The following CCNY variants were observed in gnomAD, a reference collection of about 807,000 sequenced individuals.
CCNY encodes cyclin Y, also known as cyclin-Y.
CCNY carries 19 observed loss-of-function variants against 42.8 expected under a neutral mutation model. That is an observed-to-expected ratio of 0.44 (90% CI 0.31 to 0.65). The LOEUF is 0.65. Ranked by LOEUF, CCNY falls within the 30% of genes least tolerant of loss-of-function variation. CCNY has a pLI of 0.07. For missense variants in CCNY, 370 were observed against 437.3 expected, an observed-to-expected ratio of 0.85 and a Z score of 1.37; for synonymous variants, 165 against 162.7, an observed-to-expected ratio of 1.01 and a Z score of -0.11.
At chr10:35,344,558 G>A (rs1248178101) in intron 1 of CCNY, among the ~76,000 whole-genome samples, 1 of 151,816 alleles carries the variant, frequency 6.6e-6, no homozygotes, top group Non-Finnish European at 1.5e-5. Context: ...TTTTTCAGTT[G>A]GTATACTTTA....
At chr10:35,308,368 C>T (rs1835639773) in intron 3 of CCNY, among the ~76,000 whole-genome samples, 2 of 152,020 alleles carry the variant, frequency 1.3e-5, no homozygotes, top group African/African-American at 4.8e-5. Flanking sequence ...GCTTGAGCAA[C>T]ACAGTGAGAC....
At chr10:35,462,607 T>C (rs1839180426) in intron 1 of CCNY, among the ~76,000 whole-genome samples, 1 of 152,172 alleles carries the variant, frequency 6.6e-6, no homozygotes, top group African/African-American at 2.4e-5. Context: ...GGACCTGTCT[T>C]ATTTGCTTAT....
intron 8 of CCNY, among the ~76,000 whole-genome samples, chr10:35,554,276 G>A (rs1841319450): frequency 6.6e-6 from 1 of 152,110 alleles, no homozygotes; most frequent in Non-Finnish European, 1.5e-5. Context: ...CATTGTTGTG[G>A]CACCCTTTGA....
intron 2 of CCNY, among the ~76,000 whole-genome samples, chr10:35,498,470 A>G (rs574204893): frequency 6.6e-6 from 1 of 152,264 alleles, no homozygotes; most frequent in Non-Finnish European, 1.5e-5. Flanking sequence ...TTTCCTGCAC[A>G]GCGGAGTCCC....
chr10:35,324,377 C>T lies in CCNY; in HGVS notation c.-9+73751C>T, dbSNP rs114544582. On this transcript the variant is annotated intron_variant, in intron 3 of 11. Transcript: ENST00000374706. The stretch of plus-strand genomic sequence containing the variant: ...AATGGCATGAATGAGCAATGCTAAT[C>T]TGAATACCTATAACATTTTTGGAAT... Among the ~76,000 whole-genome samples the T allele has an allele frequency of 3.3e-3, 503 of 152,320 alleles. 4 individuals are homozygous for T. The highest frequency in any genetic ancestry group is 0.011 in the African/African-American group (475 of 41,568).
chr10:35,257,930 C>T (rs1486142074), intron 3 of CCNY, among the ~76,000 whole-genome samples: 5 of 152,178 alleles, frequency 3.3e-5, no homozygotes, highest in African/African-American at 9.7e-5. Context: ...TTTCTTCAAT[C>T]TTTTTTCCTT....
intron 1 of CCNY, among the ~76,000 whole-genome samples, chr10:35,356,316 T>C (rs1414203675): frequency 6.6e-6 from 1 of 152,200 alleles, no homozygotes; most frequent in Admixed American, 6.5e-5. Context: ...AGCATGTTAG[T>C]GTATGGTAAA....
At chr10:35,461,248 T>C (rs1351480632) in intron 1 of CCNY, among the ~76,000 whole-genome samples, 1 of 152,082 alleles carries the variant, frequency 6.6e-6, no homozygotes, top group African/African-American at 2.4e-5. Flanking sequence ...TCTCGATAGG[T>C]AGAGGGACTG....
intron 7 of CCNY, among the ~76,000 whole-genome samples, chr10:35,551,436 C>T (rs948648409): frequency 6.6e-6 from 1 of 152,088 alleles, no homozygotes; most frequent in Non-Finnish European, 1.5e-5. Flanking sequence ...ATATTTAAGA[C>T]TTTATGGACA....
intron 3 of CCNY, among the ~76,000 whole-genome samples, chr10:35,513,911 A>G (rs901742830): frequency 6.6e-6 from 1 of 152,134 alleles, no homozygotes; most frequent in African/African-American, 2.4e-5. Flanking sequence ...ACTGAGAACT[A>G]CCTGACACAC....
At chr10:35,271,279 C>A (rs1172622630) in intron 3 of CCNY, among the ~76,000 whole-genome samples, 1 of 152,132 alleles carries the variant, frequency 6.6e-6, no homozygotes, top group Non-Finnish European at 1.5e-5. Context: ...CAGGAATCAG[C>A]TCCAGGACAG....
At chr10:35,516,687 T>TA in intron 4 of CCNY, 64 bp downstream of exon 4, 40 of 902,962 alleles carry the variant, frequency 4.4e-5, no homozygotes, top group Non-Finnish European at 6.5e-5. Flanking sequence ...TTTTTTTTTT[T>TA]TACTTAACTG....
Position 35,410,858 on chromosome 10 carries a change from G to C in CCNY, c.155-72546G>C, listed in dbSNP as rs549943351. Among the ~76,000 whole-genome samples the C allele has an allele frequency of 1.8e-4, 28 of 152,306 alleles. 1 individual carries two copies. In the South Asian group the frequency reaches 5.6e-3, roughly 30 times the overall value. Reference sequence around the variant, plus strand: ...GGGAGTTTGCATTTCTGGAGTTCCAGGTGACGCTGATGTCGCTGGTCTAGA... The same window carrying C: ...GGGAGTTTGCATTTCTGGAGTTCCACGTGACGCTGATGTCGCTGGTCTAGA... On this transcript the variant is annotated intron_variant, in intron 1 of 9. Transcript: ENST00000374704.
intron 3 of CCNY, among the ~76,000 whole-genome samples, chr10:35,325,474 A>G (rs905530741): frequency 1.3e-4 from 18 of 139,738 alleles, no homozygotes; most frequent in Non-Finnish European, 2.1e-4. Context: ...CACCAAGCAC[A>G]GACCCTTTTT....
At chr10:35,398,164 G>A (rs1240374733) in intron 1 of CCNY, among the ~76,000 whole-genome samples, 10 of 152,170 alleles carry the variant, frequency 6.6e-5, no homozygotes, top group East Asian at 1.9e-4. Flanking sequence ...TGGGGGTCCC[G>A]TCTGCTGCAT....
chr10:35,477,514 T>C (rs1475148865), intron 1 of CCNY, among the ~76,000 whole-genome samples: 2 of 151,638 alleles, frequency 1.3e-5, no homozygotes, highest in Non-Finnish European at 2.9e-5. Context: ...ATCCAGCATA[T>C]AAACAGAGCC....
intron 3 of CCNY, among the ~76,000 whole-genome samples, chr10:35,279,114 T>C (rs929246239): frequency 4.8e-5 from 7 of 147,280 alleles, no homozygotes; most frequent in Non-Finnish European, 7.5e-5. Context: ...TTCAATGTTT[T>C]TTTTTTTTTT....
chr10:35,562,485 C>G (rs72798176), intron 8 of CCNY, among the ~76,000 whole-genome samples: 1 of 152,208 alleles, frequency 6.6e-6, no homozygotes, highest in African/African-American at 2.4e-5. Context: ...CTCCTTCCTC[C>G]AGCTCCTGGT....
intron 1 of CCNY, among the ~76,000 whole-genome samples, chr10:35,422,239 G>A (rs1235595152): frequency 3.3e-5 from 5 of 151,588 alleles, no homozygotes; most frequent in South Asian, 2.1e-4. Flanking sequence ...TTGCTGGCTC[G>A]TGGCACCTCA....
Sources: allele counts gnomAD v4.1 joint callset (sites outside exome capture counted in the v4.1 genomes callset), GRCh38; gene constraint gnomAD v4.1.1; transcripts MANE v1.5; gene names NCBI Gene and HGNC (gene_info 2026-07-23, HGNC 2026-07-21).